The following PCDHA8 variants were observed in gnomAD, a reference collection of about 807,000 sequenced individuals.
The protein encoded by PCDHA8 is protocadherin alpha-8.
In PCDHA8, 53 loss-of-function variants were observed where a neutral mutation model predicts 61.8. The ratio of observed to expected loss-of-function variants is 0.86; its 90% confidence interval spans 0.69 to 1.08. The LOEUF is 1.08. Among genes scored for constraint, PCDHA8 ranks in the 50% least tolerant of loss-of-function variants. PCDHA8 has a pLI of 0.00. For missense variants in PCDHA8, 1,293 were observed against 1,245.0 expected (o/e 1.04, Z -0.58); for synonymous variants, 618 against 556.6 (o/e 1.11, Z -1.55).
rs2150476590 is a variant in PCDHA8, at chr5:140,850,267, T to G, written c.2394+6552T>G. The G allele has an allele frequency of 4.4e-6, 7 of 1,592,494 alleles. 2 individuals carry two copies. Among genetic ancestry groups the G allele is most frequent in the Non-Finnish European group, 6.0e-6 (7 of 1,166,766 alleles). On this transcript the variant is annotated intron_variant, in intron 1 of 3. Coordinates refer to ENST00000531613, the MANE Select transcript of PCDHA8 (RefSeq NM_018911.3). ...CGGTCGGTGGGCGCCGGCGTAGTGG[T>G]GGGGAAGGTGCGCGCAGTGGACGCC...
At chr5:140,862,894 TTGTC>T (rs782757160) in intron 1 of PCDHA8, 2 of 559,636 alleles carry the variant, frequency 3.6e-6, no homozygotes, top group East Asian at 4.8e-5. Flanking sequence ...AACGACAACT[TTGTC>T]TGCGCTGCTG....
intron 1 of PCDHA8, chr5:140,854,171 A>AAAAAC (rs2043016661): frequency 1.5e-5 from 10 of 677,894 alleles, no homozygotes; most frequent in Non-Finnish European, 1.8e-5. Context: ...AAAAAAAAAA[A>AAAAAC]AAAAAGAGTA....
At chr5:140,851,005 T>C in intron 1 of PCDHA8, 1 of 1,432,862 alleles carries the variant, frequency 7.0e-7, no homozygotes, top group Non-Finnish European at 9.2e-7. Flanking sequence ...ATCCAGCAGA[T>C]TTTTTTTCTG....
rs782195215 is a variant in PCDHA8 at position 140,856,375 on chromosome 5, G to A, written c.2394+12660G>A. The stretch of plus-strand genomic sequence containing the variant: ...GCAGCATCCACCTGGAGGTGATCGT[G>A]GACAGGCCGCTGCAGGTTTTCCATG... On this transcript the variant is annotated intron_variant, in intron 1 of 3. Transcript: ENST00000531613. The A allele has an allele frequency of 1.9e-5, 30 of 1,598,518 alleles. 2 individuals are homozygous for A. The highest frequency in any genetic ancestry group is 2.5e-5 in the Non-Finnish European group (29 of 1,167,968).
chr5:140,856,364 G>A (rs782661319), intron 1 of PCDHA8: 1 of 1,598,600 alleles, frequency 6.3e-7, no homozygotes, highest in Non-Finnish European at 8.6e-7. Context: ...CATCCACCTG[G>A]AGGTGATCGT....
At position 140,883,606 on chromosome 5, in the gene PCDHA8, C is replaced by G; in HGVS notation, c.2394+39891C>G. 3 of 1,613,944 alleles carry G rather than the reference C, an allele frequency of 1.9e-6. No homozygotes were observed. In the African/African-American group the frequency reaches 4.0e-5, roughly 22 times the overall value. On this transcript the variant is annotated intron_variant, in intron 1 of 3. Coordinates refer to ENST00000531613, the MANE Select transcript of PCDHA8 (RefSeq NM_018911.3). ...CGGCCAGCGTGTCGGTGGGGGTGGC[C>G]GACGTGAACGACAACGCGCCGGCGT...
intron 1 of PCDHA8, among the ~76,000 whole-genome samples, chr5:140,913,086 A>G (rs937964424): frequency 6.6e-6 from 1 of 152,142 alleles, no homozygotes; most frequent in Admixed American, 6.6e-5. Flanking sequence ...TGGTATCAGG[A>G]TAATACTGGC....
intron 1 of PCDHA8, among the ~76,000 whole-genome samples, chr5:140,908,850 C>T (rs1234928966): frequency 6.6e-6 from 1 of 152,160 alleles, no homozygotes; most frequent in Non-Finnish European, 1.5e-5. Flanking sequence ...GTAACATACC[C>T]AAATGAGGAA....
intron 1 of PCDHA8, among the ~76,000 whole-genome samples, chr5:140,960,271 CA>C (rs1193468231): frequency 2.0e-5 from 3 of 152,182 alleles, no homozygotes; most frequent in Non-Finnish European, 4.4e-5. Flanking sequence ...TAAATTCCGT[CA>C]CCTTTTTGGG....
At position 141,001,385 on chromosome 5, in the gene PCDHA8, T is replaced by A. The variant is rs540420313; in HGVS notation, c.2543-8242T>A. 3.9e-5 allele frequency among the ~76,000 whole-genome samples: 6 copies of A among 152,316 alleles called. No homozygotes were observed. The East Asian group carries it at 1.2e-3, about 29-fold the overall frequency. ...ACTATTCTGATTACAGAGCCTAAGA[T>A]CCTACAGAGAACAGGGAGTATATTT... On this transcript the variant is annotated intron_variant, in intron 3 of 3. Transcript: ENST00000531613.
chr5:141,007,683 A>G (rs576789056), intron 3 of PCDHA8, among the ~76,000 whole-genome samples: 1 of 152,268 alleles, frequency 6.6e-6, no homozygotes, highest in African/African-American at 2.4e-5. Context: ...AAGTTATCCT[A>G]CTTCCACCTC....
chr5:140,925,951 A>G (rs1057448284), intron 1 of PCDHA8, among the ~76,000 whole-genome samples: 2 of 152,102 alleles, frequency 1.3e-5, no homozygotes, highest in Admixed American at 1.3e-4. Flanking sequence ...GAGAAGGAGA[A>G]ACTGCTATCA....
intron 1 of PCDHA8, chr5:140,866,007 T>A (rs568957330): frequency 6.6e-6 from 1 of 152,272 alleles, no homozygotes; most frequent in East Asian, 1.9e-4. Context: ...TGTTAAGTGA[T>A]TTTTTTCTTG....
Position 140,852,497 on chromosome 5 carries a change from C to T in PCDHA8, c.2394+8782C>T, listed in dbSNP as rs1462166963. The T allele has an allele frequency of 3.2e-5, 8 of 251,770 alleles. 1 individual carries two copies. The South Asian group carries it at 6.1e-4, about 19-fold the overall frequency. 15.6% of individuals were successfully genotyped at this position (251,770 alleles called of 1,614,324 possible). ...TTCATCATGTTGGCCAGGTTGGTCT[C>T]GAACTCCTGACCTTGTGATGCTCCC... is the stretch of plus-strand genomic sequence containing the variant. On this transcript the variant is annotated intron_variant, in intron 1 of 3. Coordinates refer to ENST00000531613, the MANE Select transcript of PCDHA8 (RefSeq NM_018911.3).
chr5:140,875,261 G>A lies in PCDHA8; in HGVS notation c.2394+31546G>A. ...CTTACATAATCAGTCACATGATGTC[G>A]CTCTACACTCAGAAGGTGAAACAGG... On this transcript the variant is annotated intron_variant, in intron 1 of 3. Transcript: ENST00000531613. 4.4e-6 allele frequency: 5 copies of A among 1,130,464 alleles called. No individual in the cohort carries two copies. In the South Asian group the frequency reaches 7.4e-5, roughly 17 times the overall value. 70.0% of individuals were successfully genotyped at this position (1,130,464 alleles called of 1,614,324 possible).
intron 1 of PCDHA8, chr5:140,849,752 C>G (rs2041099569): frequency 3.1e-6 from 5 of 1,598,274 alleles, no homozygotes; most frequent in Admixed American, 3.4e-5. Context: ...AGAGTGTGTC[C>G]GCCTACGAGC....
intron 1 of PCDHA8, chr5:140,853,603 G>T (rs1358386755): frequency 1.0e-6 from 1 of 987,254 alleles, no homozygotes; most frequent in Non-Finnish European, 1.2e-6. Context: ...GAGAGCAAAG[G>T]GGGTGCTGTA....
rs2042039547 is a variant in PCDHA8 at position 140,851,365 on chromosome 5, CT to C, written c.2394+7651del. The C allele has an allele frequency of 3.1e-6, 3 of 976,302 alleles. 1 individual carries two copies. Among genetic ancestry groups the C allele is most frequent in the Non-Finnish European group, 3.7e-6 (3 of 804,962 alleles). The allele number at this position is 976,302 out of a possible 1,614,324, so 60.5% of individuals were successfully genotyped here. On this transcript the variant is annotated intron_variant, in intron 1 of 3. Transcript: ENST00000531613. Reference sequence around the variant, plus strand: ...TTCTCTGGATGGAGACTGTGAACATCTGATTGTTCAGCAACCTTCAGTATCT... The same window carrying C: ...TTCTCTGGATGGAGACTGTGAACATCGATTGTTCAGCAACCTTCAGTATCT...
At chr5:140,927,505 G>T (rs782722913) in intron 1 of PCDHA8, 1 of 1,614,120 alleles carries the variant, frequency 6.2e-7, no homozygotes, top group East Asian at 2.2e-5. Flanking sequence ...GGTGCTTACA[G>T]CTCGGGACGG....
Sources: allele counts gnomAD v4.1 joint callset (sites outside exome capture counted in the v4.1 genomes callset), GRCh38; gene constraint gnomAD v4.1.1; transcripts MANE v1.5; gene names NCBI Gene and HGNC (gene_info 2026-07-23, HGNC 2026-07-21).